The following GRIK4 variants were observed in gnomAD, a reference collection of about 807,000 sequenced individuals.
GRIK4 encodes glutamate ionotropic receptor kainate type subunit 4.
In GRIK4, 40 loss-of-function variants were observed where a neutral mutation model predicts 104.9. The observed-to-expected ratio is 0.38, with a 90% CI of 0.30 to 0.50. The LOEUF (loss-of-function observed/expected upper bound fraction) is 0.50, where lower values mean the gene tolerates loss of function less well. Among genes scored for constraint, GRIK4 ranks in the 20% least tolerant of loss-of-function variants. The probability of loss-of-function intolerance (pLI) is 0.93; values close to 1 mark genes in which losing one functional copy is unlikely to be tolerated. For synonymous variants in GRIK4, 485 were observed against 524.9 expected (o/e 0.92, Z 1.04); for missense variants, 1,047 against 1,308.1 (o/e 0.80, Z 3.08).
intron 3 of GRIK4, among the ~76,000 whole-genome samples, chr11:120,681,504 G>A (rs921796561): frequency 1.3e-5 from 2 of 152,062 alleles, no homozygotes; most frequent in East Asian, 1.9e-4. Flanking sequence ...ATTTTGCCCC[G>A]CTAAGTATTT....
Position 120,908,438 on chromosome 11 carries a change from TACAC to T in GRIK4, c.1476+2965_1476+2968del, listed in dbSNP as rs1169027238. 6.7e-3 allele frequency among the ~76,000 whole-genome samples: 229 copies of T among 34,138 alleles called. 1 individual carries two copies. Among genetic ancestry groups the T allele is most frequent in the African/African-American group, 0.012 (218 of 18,738 alleles). 22.4% of individuals were successfully genotyped at this position (34,138 alleles called of 152,430 possible). ...ATTTAAAATAACACACACACACACATACACACACACACACACACACACAGAGAGA... is the reference window on the plus strand; with the variant it reads ...ATTTAAAATAACACACACACACACATACACACACACACACACACAGAGAGA... On this transcript the variant is annotated intron_variant, in intron 13 of 20. Coordinates refer to ENST00000527524, the MANE Select transcript of GRIK4 (RefSeq NM_014619.5).
At chr11:120,759,759 G>C (rs1242348283) in intron 3 of GRIK4, among the ~76,000 whole-genome samples, 1 of 152,078 alleles carries the variant, frequency 6.6e-6, no homozygotes, top group Non-Finnish European at 1.5e-5. Flanking sequence ...TTTCCATGAA[G>C]GGCCAGATAG....
intron 1 of GRIK4, among the ~76,000 whole-genome samples, chr11:120,535,599 C>G (rs1000576465): frequency 1.3e-5 from 2 of 152,002 alleles, no homozygotes; most frequent in African/African-American, 2.4e-5. Context: ...CACTAAAGGA[C>G]AAAGGAGCAG....
At chr11:120,718,217 C>T (rs1362619259) in intron 3 of GRIK4, among the ~76,000 whole-genome samples, 1 of 152,054 alleles carries the variant, frequency 6.6e-6, no homozygotes, top group African/African-American at 2.4e-5. Context: ...AATATGTCCC[C>T]TCAAGTCTGT....
At chr11:120,516,167 T>C (rs888365460) in intron 1 of GRIK4, among the ~76,000 whole-genome samples, 1 of 152,194 alleles carries the variant, frequency 6.6e-6, no homozygotes, top group African/African-American at 2.4e-5. Flanking sequence ...TGGAGTCCCC[T>C]GTTTGGGGGG....
intron 8 of GRIK4, among the ~76,000 whole-genome samples, chr11:120,857,408 C>T (rs1471658366): frequency 6.6e-6 from 1 of 152,142 alleles, no homozygotes; most frequent in Non-Finnish European, 1.5e-5. Flanking sequence ...CTGCCCGTAT[C>T]CACTTGTGGC....
Position 120,939,860 on chromosome 11 carries a change from G to T in GRIK4, c.1477-487G>T, listed in dbSNP as rs537497180. Among the ~76,000 whole-genome samples the T allele has an allele frequency of 1.0e-3, 158 of 152,204 alleles. No homozygotes were observed. Among genetic ancestry groups the T allele is most frequent in the Non-Finnish European group, 1.9e-3 (128 of 68,004 alleles). Reference sequence around the variant, plus strand: ...CCAGGCATGGTGGCCCACGCCTGTAGTTCCAGCTACTCGGGAAGCTGAGGC... The same window carrying T: ...CCAGGCATGGTGGCCCACGCCTGTATTTCCAGCTACTCGGGAAGCTGAGGC... On this transcript the variant is annotated intron_variant, in intron 13 of 20. Transcript: ENST00000527524. The surrounding 1 kb of genome is among the most constrained non-coding windows in gnomAD (Gnocchi z 5.6).
Position 120,967,114 on chromosome 11 carries a change from G to C in GRIK4, c.2267-81G>C. On this transcript the variant is annotated intron_variant, in intron 18 of 20. Coordinates refer to ENST00000527524, the MANE Select transcript of GRIK4 (RefSeq NM_014619.5). This position sits in a 1 kb window ranked among gnomAD's most constrained non-coding sequence, Gnocchi z 4.2. ...GTGAAAGCAGGCAGGGTGGCCAGGAGGTGTGCCGGGAAGGGGAGCAGAGTG... is the reference window on the plus strand; with the variant it reads ...GTGAAAGCAGGCAGGGTGGCCAGGACGTGTGCCGGGAAGGGGAGCAGAGTG... 6.7e-7 allele frequency: 1 copy of C among 1,483,908 alleles called. No homozygotes were observed. The highest frequency in any genetic ancestry group is 9.2e-7 in the Non-Finnish European group (1 of 1,092,894). 91.9% of individuals were successfully genotyped at this position (1,483,908 alleles called of 1,614,324 possible).
intron 1 of GRIK4, among the ~76,000 whole-genome samples, chr11:120,587,055 C>T (rs991150671): frequency 1.3e-5 from 2 of 152,150 alleles, no homozygotes; most frequent in African/African-American, 4.8e-5. Context: ...ATTAAACAAT[C>T]GAGGCGATTT....
In GRIK4 at chr11:120,694,634, C is replaced by T. The variant is rs543264863; in HGVS notation, c.82+34234C>T. Among the ~76,000 whole-genome samples the T allele has an allele frequency of 1.2e-4, 19 of 152,222 alleles. 1 individual carries two copies. The highest frequency in any genetic ancestry group is 4.2e-4 in the South Asian group (2 of 4,814). ...GCTTCCTGAGGTCCCTGCCAGCTAG[C>T]GCCTACTTCTAGGAGCCTGGTTAAC... On this transcript the variant is annotated intron_variant, in intron 3 of 20. Coordinates refer to ENST00000527524, the MANE Select transcript of GRIK4 (RefSeq NM_014619.5).
intron 1 of GRIK4, among the ~76,000 whole-genome samples, chr11:120,589,047 G>T (rs936600542): frequency 6.6e-6 from 1 of 152,186 alleles, no homozygotes; most frequent in Non-Finnish European, 1.5e-5. Flanking sequence ...TCAGGACACT[G>T]CCAGGAAGTT....
chr11:120,917,247 C>CAAAAAAA (rs199620498), intron 13 of GRIK4, among the ~76,000 whole-genome samples: 13 of 34,708 alleles, frequency 3.7e-4, no homozygotes, highest in Admixed American at 3.8e-4. Flanking sequence ...AACTCCGTCT[C>CAAAAAAA]AAAAAAAAAA....
chr11:120,740,901 G>A (rs1203651945), intron 3 of GRIK4, among the ~76,000 whole-genome samples: 1 of 152,164 alleles, frequency 6.6e-6, no homozygotes, highest in Admixed American at 6.5e-5. Context: ...TGTTTATTTG[G>A]TTTTATTTGA....
intron 1 of GRIK4, among the ~76,000 whole-genome samples, chr11:120,644,059 GGAGAGAGA>G (rs139179410): frequency 8.3e-6 from 1 of 121,038 alleles, no homozygotes; most frequent in Admixed American, 7.9e-5. Flanking sequence ...GAGAGAGAGA[GGAGAGAGA>G]GAGAGAGAGA....
chr11:120,574,437 G>A (rs1264055644), intron 1 of GRIK4, among the ~76,000 whole-genome samples: 2 of 152,120 alleles, frequency 1.3e-5, no homozygotes, highest in East Asian at 1.9e-4. Context: ...CCTATGAGAC[G>A]GGCACTGTTT....
intron 1 of GRIK4, among the ~76,000 whole-genome samples, chr11:120,584,411 A>C (rs1234976021): frequency 6.6e-6 from 1 of 152,328 alleles, no homozygotes; most frequent in Non-Finnish European, 1.5e-5. Context: ...GTATCTGCTC[A>C]GCTTCTAGGG....
chr11:120,728,571 T>C (rs1951071702), intron 3 of GRIK4, among the ~76,000 whole-genome samples: 1 of 152,216 alleles, frequency 6.6e-6, no homozygotes, highest in African/African-American at 2.4e-5. Context: ...AGATGGTATA[T>C]GCAAAACATT....
chr11:120,893,702 T>G (rs1942484179), intron 11 of GRIK4, among the ~76,000 whole-genome samples: 1 of 152,256 alleles, frequency 6.6e-6, no homozygotes, highest in African/African-American at 2.4e-5. Flanking sequence ...AGCTCTGTGC[T>G]TGGTGACATC....
intron 3 of GRIK4, among the ~76,000 whole-genome samples, chr11:120,783,238 T>C (rs889410439): frequency 2.0e-5 from 3 of 152,230 alleles, no homozygotes; most frequent in African/African-American, 7.2e-5. Context: ...TTAAATCTCT[T>C]TGGCCACAGA....
Sources: gnomAD v4.1 joint callset for allele counts (sites outside exome capture counted in the v4.1 genomes callset) on GRCh38, gnomAD v4.1.1 for gene constraint, Gnocchi (gnomAD v3.1) non-coding constraint, MANE v1.5 for transcripts, NCBI Gene and HGNC (gene_info 2026-07-23, HGNC 2026-07-21) for gene names.